RSF1: variants seen among roughly 807,000 people sequenced by gnomAD.
RSF1 encodes remodeling and spacing factor 1.
In RSF1, 13 loss-of-function variants were observed where a neutral mutation model predicts 145.2. The observed-to-expected ratio is 0.09, with a 90% confidence interval of 0.06 to 0.14. The LOEUF (loss-of-function observed/expected upper bound fraction) is 0.14, where lower values mean the gene tolerates loss of function less well. RSF1 is among the 10% of genes least tolerant of loss of function. The pLI, the probability that RSF1 is intolerant of heterozygous loss-of-function variation, is 1.00. For synonymous variants in RSF1, 577 were observed against 592.6 expected, an observed-to-expected ratio of 0.97 and a Z score of 0.38; for missense variants, 1,517 against 1,718.2, an observed-to-expected ratio of 0.88 and a Z score of 2.07.
the RSF1 span, among the ~76,000 whole-genome samples, chr11:77,853,760 A>T: frequency 1.3e-5 from 2 of 151,878 alleles, no homozygotes; most frequent in Admixed American, 6.6e-5. Flanking sequence ...GGCCAACATG[A>T]TGAAACCCTG....
chr11:77,683,768 A>AT lies in RSF1; in HGVS notation c.3006dup (p.Ser1003IlefsTer7). ...CTCCTTTCAAGCAAGTTTGCTTTGG[A>AT]TTTTTTTGAATCTTTTTTCTTTTCT... is the stretch of plus-strand genomic sequence containing the variant. On this transcript the variant is annotated frameshift_variant, in exon 11 of 16. Transcript: ENST00000308488. LOFTEE classifies it high-confidence loss of function. The AT allele has an allele frequency of 1.2e-6, 2 of 1,613,112 alleles. No homozygotes were observed. The highest frequency in any genetic ancestry group is 1.3e-5 in the African/African-American group (1 of 74,998).
At chr11:77,872,152 T>G in the RSF1 span, 1 of 1,607,040 alleles carries the variant, frequency 6.2e-7, no homozygotes, top group East Asian at 2.2e-5. Flanking sequence ...CCCTACTTAC[T>G]CATCTCTTTT....
intron 1 of RSF1, among the ~76,000 whole-genome samples, chr11:77,807,334 C>G (rs772390493): frequency 5.3e-5 from 8 of 152,166 alleles, no homozygotes; most frequent in Non-Finnish European, 1.0e-4. Flanking sequence ...AAATTAGGTA[C>G]TTGCTCATTT....
chr11:77,841,511 CA>C, the RSF1 span, among the ~76,000 whole-genome samples: 754 of 152,330 alleles, frequency 4.9e-3, 9 homozygotes, highest in African/African-American at 0.017. Flanking sequence ...ACTGATGGAA[CA>C]CTGTGTGTAC....
intron 5 of RSF1, among the ~76,000 whole-genome samples, chr11:77,719,929 A>G (rs1198998670): frequency 6.6e-6 from 1 of 152,178 alleles, no homozygotes; most frequent in African/African-American, 2.4e-5. Flanking sequence ...CTACAAAGAG[A>G]CAAATCCATA....
At chr11:77,674,137 A>G (rs1439873452) in intron 14 of RSF1, among the ~76,000 whole-genome samples, 1 of 152,182 alleles carries the variant, frequency 6.6e-6, no homozygotes, top group Non-Finnish European at 1.5e-5. Context: ...TCCTTAGGAA[A>G]TAATCACTGA....
the RSF1 span, among the ~76,000 whole-genome samples, chr11:77,864,421 C>T: frequency 2.6e-5 from 4 of 151,726 alleles, no homozygotes; most frequent in African/African-American, 4.8e-5. Context: ...GCCTGGGCAA[C>T]AGAGTGAGAT....
At chr11:77,711,280 A>C (rs1242738709) in intron 5 of RSF1, among the ~76,000 whole-genome samples, 1 of 152,194 alleles carries the variant, frequency 6.6e-6, no homozygotes, top group African/African-American at 2.4e-5. Context: ...AATACAATTA[A>C]GATATCATAC....
chr11:77,780,631 G>C (rs1380043516), intron 1 of RSF1, among the ~76,000 whole-genome samples: 1 of 152,098 alleles, frequency 6.6e-6, no homozygotes, highest in Non-Finnish European at 1.5e-5. Context: ...TTTGAGACAA[G>C]CCTGGCCAAC....
intron 4 of RSF1, among the ~76,000 whole-genome samples, chr11:77,727,058 A>C (rs1319546045): frequency 6.6e-6 from 1 of 152,258 alleles, no homozygotes; most frequent in East Asian, 1.9e-4. Flanking sequence ...CATACATATC[A>C]TATGAGCATA....
intron 4 of RSF1, 44 bp downstream of exon 4, chr11:77,740,687 A>T: frequency 6.5e-7 from 1 of 1,537,870 alleles, no homozygotes; most frequent in Non-Finnish European, 9.0e-7. Context: ...AGATCAATGT[A>T]CAAAACACAC....
At chr11:77,814,440 C>A (rs1948762438) in intron 1 of RSF1, among the ~76,000 whole-genome samples, 1 of 152,074 alleles carries the variant, frequency 6.6e-6, no homozygotes, top group Admixed American at 6.5e-5. Flanking sequence ...GAATTCAAGG[C>A]CCTAACTCTG....
intron 4 of RSF1, among the ~76,000 whole-genome samples, chr11:77,734,139 T>A (rs1961277729): frequency 6.6e-6 from 1 of 152,172 alleles, no homozygotes; most frequent in South Asian, 2.1e-4. Context: ...TAGGTCAAAA[T>A]GTTCAAATGT....
intron 14 of RSF1, among the ~76,000 whole-genome samples, chr11:77,673,926 T>C (rs982058238): frequency 6.6e-6 from 1 of 152,156 alleles, no homozygotes; most frequent in African/African-American, 2.4e-5. Context: ...TCCAGATTAA[T>C]GGAGACTAAA....
At chr11:77,773,279 A>G (rs1420419801) in intron 1 of RSF1, among the ~76,000 whole-genome samples, 1 of 151,990 alleles carries the variant, frequency 6.6e-6, no homozygotes, top group Non-Finnish European at 1.5e-5. Context: ...TTGCCATTTT[A>G]ATCATTTTTT....
chr11:77,756,750 T>C (rs1948120171), intron 2 of RSF1, among the ~76,000 whole-genome samples: 1 of 152,216 alleles, frequency 6.6e-6, no homozygotes, highest in African/African-American at 2.4e-5. Flanking sequence ...TGTGCTTTAC[T>C]TAAAGAATGA....
chr11:77,872,066 GT>G, the RSF1 span: 2 of 1,255,744 alleles, frequency 1.6e-6, no homozygotes, highest in Non-Finnish European at 2.2e-6. Flanking sequence ...TGATCGTGAA[GT>G]GACGATTGTC....
chr11:77,818,354 A>C (rs1948801669), intron 1 of RSF1, among the ~76,000 whole-genome samples: 1 of 152,232 alleles, frequency 6.6e-6, no homozygotes, highest in Non-Finnish European at 1.5e-5. Flanking sequence ...CAAAGAAATT[A>C]CCAAAACAAT....
At chr11:77,803,127 A>AG (rs771035203) in intron 1 of RSF1, among the ~76,000 whole-genome samples, 8 of 152,162 alleles carry the variant, frequency 5.3e-5, no homozygotes, top group Non-Finnish European at 1.2e-4. Context: ...CCCAACCTCC[A>AG]GGGACAGGAT....
Sources: allele counts gnomAD v4.1 joint callset (sites outside exome capture counted in the v4.1 genomes callset), GRCh38; gene constraint gnomAD v4.1.1; transcripts MANE v1.5; gene names NCBI Gene and HGNC (gene_info 2026-07-23, HGNC 2026-07-21).